HDAC4: variants seen among roughly 807,000 people sequenced by gnomAD.
HDAC4 encodes the protein histone deacetylase A.
A neutral mutation model predicts 135.1 loss-of-function variants in HDAC4; 16 were observed. The observed-to-expected ratio is 0.12, with a 90% CI of 0.08 to 0.18. The LOEUF (loss-of-function observed/expected upper bound fraction) is 0.18, where lower values mean the gene tolerates loss of function less well. Ranked by LOEUF, HDAC4 falls within the 10% of genes least tolerant of loss-of-function variation. The probability of loss-of-function intolerance (pLI) is 1.00; values close to 1 mark genes in which losing one functional copy is unlikely to be tolerated. For missense variants in HDAC4, 1,143 were observed against 1,511.8 expected (o/e 0.76, Z 4.05); for synonymous variants, 685 against 653.4 (o/e 1.05, Z -0.74).
At chr2:239,346,607 CACAT>C (rs1414022114) in intron 2 of HDAC4, among the ~76,000 whole-genome samples, 2 of 148,420 alleles carry the variant, frequency 1.3e-5, no homozygotes, top group Non-Finnish European at 3.0e-5. Flanking sequence ...GTCTAAAACA[CACAT>C]ACACACCTTA....
intron 4 of HDAC4, among the ~76,000 whole-genome samples, chr2:239,176,817 C>T (rs537964757): frequency 2.4e-4 from 36 of 152,300 alleles, no homozygotes; most frequent in African/African-American, 7.7e-4. Flanking sequence ...GAAGAAAATA[C>T]GCAAGAAGAG....
At chr2:239,223,219 A>G (rs2047061024) in intron 3 of HDAC4, among the ~76,000 whole-genome samples, 1 of 152,218 alleles carries the variant, frequency 6.6e-6, no homozygotes, top group Admixed American at 6.5e-5. Flanking sequence ...AGTAGGAACC[A>G]CTATTACTTA....
In HDAC4 at chr2:239,139,614, G is replaced by T; in HGVS notation, c.978+70C>A. The T allele has an allele frequency of 7.4e-7, 1 of 1,355,352 alleles. No homozygotes were observed. Among genetic ancestry groups the T allele is most frequent in the Non-Finnish European group, 1.1e-6 (1 of 944,312 alleles). 84.0% of individuals were successfully genotyped at this position (1,355,352 alleles called of 1,614,324 possible). On this transcript the variant is annotated intron_variant, in intron 9 of 26. Transcript: ENST00000543185. This position sits in a 1 kb window ranked among gnomAD's most constrained non-coding sequence, Gnocchi z 5.3. ...GAGTGAAGGGCAAGTGCAAAGTGGG[G>T]TCATTTCAAGCTCATCCGTCCCGAG... is the stretch of plus-strand genomic sequence containing the variant.
At chr2:239,208,338 A>AAAG (rs2046178331) in intron 3 of HDAC4, among the ~76,000 whole-genome samples, 5 of 103,982 alleles carry the variant, frequency 4.8e-5, no homozygotes, top group Non-Finnish European at 1.3e-4. Flanking sequence ...AAAAAAAAAA[A>AAAG]AAAAAAAAAA....
intron 12 of HDAC4, among the ~76,000 whole-genome samples, chr2:239,124,728 C>T (rs556735866): frequency 6.1e-5 from 7 of 114,484 alleles, no homozygotes; most frequent in South Asian, 3.0e-4. Flanking sequence ...GGTGTGCTGG[C>T]GTGTGGCTGC....
chr2:239,073,725 C>T (rs890781295), intron 22 of HDAC4, among the ~76,000 whole-genome samples: 6 of 152,270 alleles, frequency 3.9e-5, no homozygotes, highest in African/African-American at 1.2e-4. Flanking sequence ...AAACACCGCA[C>T]TGGCCTCAGA....
In HDAC4 at chr2:239,139,714, G is replaced by A. The variant is rs945606651; in HGVS notation, c.948C>T (p.Ile316=). 21 of 1,613,980 alleles carry A rather than the reference G, an allele frequency of 1.3e-5. No individual in the cohort carries two copies. The highest frequency in any genetic ancestry group is 4.5e-5 in the East Asian group (2 of 44,894). ...SSGSVSAENG[I]APAVPSIPAE... The stretch of plus-strand genomic sequence containing the variant: ...CCGGGATGCTGGGGACGGCGGGCGC[G>A]ATACCGTTCTCCGCGCTGACGCTCC... The change falls in exon 9 of 27, where the codon ATC becomes ATT. Residue 316 remains isoleucine, a synonymous_variant. Transcript: ENST00000543185. The surrounding 1 kb of genome is among the most constrained non-coding windows in gnomAD (Gnocchi z 5.3).
rs953773099 is a variant in HDAC4, at chr2:239,052,958, C to T, written c.*139G>A. ...GGGCCTGGGCGGCAGAAAGGCTTCC[C>T]GTGGCTGTTGCACGCTGGGTGTCCC... is the stretch of plus-strand genomic sequence containing the variant. On this transcript the variant is annotated 3_prime_UTR_variant, in exon 27 of 27. Transcript: ENST00000543185. The T allele has an allele frequency of 1.0e-4, 99 of 992,346 alleles. No individual in the cohort carries two copies. In the East Asian group the frequency reaches 1.1e-3, roughly 11 times the overall value. The allele number at this position is 992,346 out of a possible 1,614,324, so 61.5% of individuals were successfully genotyped here. A position where few individuals can be genotyped will look rare whatever the true frequency, so the allele number is the denominator to read the frequency against.
chr2:239,100,073 G>A (rs2037476989), intron 16 of HDAC4, among the ~76,000 whole-genome samples: 1 of 152,212 alleles, frequency 6.6e-6, no homozygotes, highest in East Asian at 1.9e-4. Context: ...AGGTGCCCTG[G>A]CTCTCACCTG....
chr2:239,197,849 G>GTGTGTGTGTGTGTGTA (rs1428163888), intron 3 of HDAC4, among the ~76,000 whole-genome samples: 24 of 128,704 alleles, frequency 1.9e-4, no homozygotes, highest in Non-Finnish European at 4.1e-4. Flanking sequence ...CTAAAAGTTT[G>GTGTGTGTGTGTGTGTA]TGTGTGTGTG....
At chr2:239,080,722 CAGG>C (rs1291266955) in intron 22 of HDAC4, among the ~76,000 whole-genome samples, 1 of 152,238 alleles carries the variant, frequency 6.6e-6, no homozygotes, top group Non-Finnish European at 1.5e-5. Context: ...CATCACATCA[CAGG>C]AGGTTTGCGG....
intron 6 of HDAC4, chr2:239,162,180 C>A: frequency 2.2e-6 from 1 of 456,828 alleles, no homozygotes; most frequent in Non-Finnish European, 4.4e-6. Flanking sequence ...ACTCTGTGCT[C>A]CTCTTCAGAA....
intron 5 of HDAC4, among the ~76,000 whole-genome samples, chr2:239,166,819 G>T (rs977336946): frequency 6.6e-6 from 1 of 152,206 alleles, no homozygotes; most frequent in Non-Finnish European, 1.5e-5. Flanking sequence ...CACAGAAGGC[G>T]AATTTCAAAA....
At chr2:239,385,598 C>T (rs1045239988) in intron 1 of HDAC4, among the ~76,000 whole-genome samples, 1 of 152,252 alleles carries the variant, frequency 6.6e-6, no homozygotes, top group Non-Finnish European at 1.5e-5. Flanking sequence ...GTGCACAGCA[C>T]AGCCTACCAG....
chr2:239,392,030 C>G (rs888436160), intron 1 of HDAC4, among the ~76,000 whole-genome samples: 3 of 152,230 alleles, frequency 2.0e-5, no homozygotes, highest in Non-Finnish European at 4.4e-5. Context: ...TCAACATCCC[C>G]ACCAGCTTGG....
At chr2:239,312,554 C>T (rs765692079) in intron 2 of HDAC4, among the ~76,000 whole-genome samples, 5 of 152,220 alleles carry the variant, frequency 3.3e-5, no homozygotes, top group Admixed American at 6.5e-5. Context: ...CTAAAGCAAA[C>T]GCTAAGAATG....
At chr2:239,327,380 A>C (rs1359427471) in intron 2 of HDAC4, among the ~76,000 whole-genome samples, 1 of 152,184 alleles carries the variant, frequency 6.6e-6, no homozygotes, top group Admixed American at 6.5e-5. Flanking sequence ...ACTGGGGCCC[A>C]GGTCCCCTGC....
intron 4 of HDAC4, among the ~76,000 whole-genome samples, chr2:239,187,660 T>C (rs560484396): frequency 2.2e-4 from 33 of 152,276 alleles, no homozygotes; most frequent in African/African-American, 6.5e-4. Flanking sequence ...AGTGGTGCCA[T>C]CAGTAAAGTG....
intron 22 of HDAC4, among the ~76,000 whole-genome samples, chr2:239,070,403 C>T (rs1180054990): frequency 6.6e-6 from 1 of 152,206 alleles, no homozygotes; most frequent in African/African-American, 2.4e-5. Context: ...AAAAGCACTC[C>T]TTAACACAAA....
Sources: gnomAD v4.1 joint callset for allele counts (sites outside exome capture counted in the v4.1 genomes callset) on GRCh38, gnomAD v4.1.1 for gene constraint, Gnocchi (gnomAD v3.1) non-coding constraint, MANE v1.5 for transcripts, NCBI Gene and HGNC (gene_info 2026-07-23, HGNC 2026-07-21) for gene names.